MYO3B: variants seen among roughly 807,000 people sequenced by gnomAD.
MYO3B encodes the protein myosin-IIIb.
A neutral mutation model predicts 174.6 loss-of-function variants in MYO3B; 156 were observed. The ratio of observed to expected loss-of-function variants is 0.89; its 90% CI spans 0.78 to 1.02. The LOEUF is 1.02. MYO3B is among the 50% of genes least tolerant of loss of function. The pLI is 0.00. For synonymous variants in MYO3B, 563 were observed against 569.1 expected (o/e 0.99, Z 0.15); for missense variants, 1,632 against 1,639.4 (o/e 1.00, Z 0.08).
intron 7 of MYO3B, among the ~76,000 whole-genome samples, chr2:170,329,812 C>A (rs972479510): frequency 3.9e-5 from 6 of 152,088 alleles, no homozygotes; most frequent in Admixed American, 2.6e-4. Flanking sequence ...TTAGGAACAG[C>A]TGGGGCAAGA....
At chr2:170,480,039 G>GTA (rs1382182536) in intron 25 of MYO3B, among the ~76,000 whole-genome samples, 6 of 115,874 alleles carry the variant, frequency 5.2e-5, no homozygotes, top group South Asian at 2.7e-4. Flanking sequence ...ATGTGTGTGT[G>GTA]TGTATATATA....
intron 6 of MYO3B, among the ~76,000 whole-genome samples, chr2:170,225,116 C>A (rs1458375381): frequency 6.6e-6 from 1 of 152,198 alleles, no homozygotes; most frequent in South Asian, 2.1e-4. Context: ...GGGTTTGGTT[C>A]CCAAATAAGA....
At chr2:170,222,502 T>C (rs2092912074) in intron 6 of MYO3B, among the ~76,000 whole-genome samples, 1 of 152,180 alleles carries the variant, frequency 6.6e-6, no homozygotes, top group African/African-American at 2.4e-5. Flanking sequence ...TCCCAGCTAC[T>C]GGAGGTTTGC....
intron 7 of MYO3B, among the ~76,000 whole-genome samples, chr2:170,255,093 C>G (rs2093292858): frequency 6.6e-6 from 1 of 152,214 alleles, no homozygotes; most frequent in Admixed American, 6.5e-5. Flanking sequence ...ACGCCCTTGA[C>G]TCATTGCATC....
At chr2:170,360,214 G>A (rs1157648918) in intron 8 of MYO3B, among the ~76,000 whole-genome samples, 1 of 152,112 alleles carries the variant, frequency 6.6e-6, no homozygotes, top group Non-Finnish European at 1.5e-5. Context: ...ATACAAATGA[G>A]AATTGTGGAT....
chr2:170,215,094 C>T (rs1305542982), intron 5 of MYO3B, among the ~76,000 whole-genome samples: 1 of 152,148 alleles, frequency 6.6e-6, no homozygotes, highest in Non-Finnish European at 1.5e-5. Context: ...AAAAACTTTT[C>T]GGTTTTCTGC....
In MYO3B at chr2:170,453,409, T is replaced by TACACACACACACACACACACACAC. The variant is rs35558091; in HGVS notation, c.2730+9384_2730+9407dup. On this transcript the variant is annotated intron_variant, in intron 23 of 34. Coordinates refer to ENST00000408978, the MANE Select transcript of MYO3B (RefSeq NM_138995.5). ...GAGACTAACAGTGATGTTTACCATT[T>TACACACACACACACACACACACAC]ACACACACACACACACACACACACA... Among the ~76,000 whole-genome samples the TACACACACACACACACACACACAC allele has an allele frequency of 1.4e-4, 18 of 131,198 alleles. 1 individual carries two copies. The highest frequency in any genetic ancestry group is 2.6e-4 in the Non-Finnish European group (16 of 62,630). The allele number at this position is 131,198 out of a possible 152,430, so 86.1% of individuals were successfully genotyped here.
chr2:170,281,292 T>C (rs1045795649), intron 7 of MYO3B, among the ~76,000 whole-genome samples: 11 of 152,168 alleles, frequency 7.2e-5, no homozygotes, highest in Non-Finnish European at 1.3e-4. Flanking sequence ...GTTGTCAGAA[T>C]TCTCCTCCCA....
intron 32 of MYO3B, among the ~76,000 whole-genome samples, chr2:170,627,281 C>G (rs1696531403): frequency 6.6e-6 from 1 of 152,218 alleles, no homozygotes; most frequent in South Asian, 2.1e-4. Context: ...AACTTCTCTT[C>G]TCACTTCATT....
chr2:170,343,799 T>G (rs1477540514), intron 8 of MYO3B: 1 of 152,272 alleles, frequency 6.6e-6, no homozygotes, highest in Non-Finnish European at 1.5e-5. Context: ...ATTTTTGGCC[T>G]TGAACAAGTC....
At chr2:170,617,660 C>G (rs970576423) in intron 32 of MYO3B, among the ~76,000 whole-genome samples, 1 of 152,142 alleles carries the variant, frequency 6.6e-6, no homozygotes, top group Non-Finnish European at 1.5e-5. Flanking sequence ...AGGCGCAACC[C>G]CTGCCCCTTT....
chr2:170,186,483 G>A (rs1215167476), intron 1 of MYO3B, among the ~76,000 whole-genome samples: 1 of 152,118 alleles, frequency 6.6e-6, no homozygotes, highest in Non-Finnish European at 1.5e-5. Context: ...CACTTGGTCA[G>A]GATGAATAAT....
At chr2:170,590,760 G>T (rs1693772896) in intron 32 of MYO3B, among the ~76,000 whole-genome samples, 1 of 152,136 alleles carries the variant, frequency 6.6e-6, no homozygotes, top group Non-Finnish European at 1.5e-5. Flanking sequence ...GGGGAGAGTC[G>T]GTGGTGGGGT....
intron 7 of MYO3B, among the ~76,000 whole-genome samples, chr2:170,307,379 G>A (rs994541844): frequency 6.6e-6 from 1 of 151,508 alleles, no homozygotes; most frequent in African/African-American, 2.4e-5. Context: ...TTCTCAAACA[G>A]ATAACGAATT....
chr2:170,506,339 CA>C (rs942852390), intron 28 of MYO3B, among the ~76,000 whole-genome samples: 25 of 152,320 alleles, frequency 1.6e-4, no homozygotes, highest in African/African-American at 6.0e-4. Flanking sequence ...CTAGCCTTTT[CA>C]AAAGGCTGTT....
At chr2:170,275,738 A>G (rs1189925974) in intron 7 of MYO3B, among the ~76,000 whole-genome samples, 1 of 152,146 alleles carries the variant, frequency 6.6e-6, no homozygotes, top group Non-Finnish European at 1.5e-5. Context: ...AACCAGTAAA[A>G]TCTGTGCATT....
intron 7 of MYO3B, among the ~76,000 whole-genome samples, chr2:170,279,820 T>A (rs1307716338): frequency 6.6e-6 from 1 of 152,206 alleles, no homozygotes; most frequent in Non-Finnish European, 1.5e-5. Context: ...GGCTGTATAG[T>A]ATTCCGTGGT....
intron 23 of MYO3B, among the ~76,000 whole-genome samples, chr2:170,460,632 A>C (rs887371565): frequency 6.6e-6 from 1 of 152,006 alleles, no homozygotes; most frequent in African/African-American, 2.4e-5. Context: ...TCCAAACATC[A>C]CTCTGTATGT....
chr2:170,341,702 T>A (rs2093977778), intron 8 of MYO3B, among the ~76,000 whole-genome samples: 1 of 152,174 alleles, frequency 6.6e-6, no homozygotes. Flanking sequence ...CATACATTGA[T>A]CAATATACTT....
Sources: gnomAD v4.1 joint callset for allele counts (sites outside exome capture counted in the v4.1 genomes callset) on GRCh38, gnomAD v4.1.1 for gene constraint, MANE v1.5 for transcripts, NCBI Gene and HGNC (gene_info 2026-07-23, HGNC 2026-07-21) for gene names.